The following GRM7 variants were observed in gnomAD, a reference collection of about 807,000 sequenced individuals.
GRM7 encodes glutamate metabotropic receptor 7.
Under a neutral mutation model 84.5 loss-of-function variants are expected in GRM7, and 35 were observed. The observed-to-expected ratio is 0.41, with a 90% CI of 0.32 to 0.55. GRM7 has a LOEUF of 0.55. Among genes scored for constraint, GRM7 ranks in the 20% least tolerant of loss-of-function variants. The pLI is 0.19. For synonymous variants in GRM7, 487 were observed against 455.1 expected (o/e 1.07, Z -0.89); for missense variants, 1,003 against 1,194.6 (o/e 0.84, Z 2.36).
chr3:7,125,212 T>A (rs1693358068), intron 1 of GRM7, among the ~76,000 whole-genome samples: 1 of 152,182 alleles, frequency 6.6e-6, no homozygotes, highest in Non-Finnish European at 1.5e-5. Flanking sequence ...GTGCTGGGAT[T>A]ACAGGCGTGA....
Position 7,461,708 on chromosome 3 carries a change from G to A in GRM7, c.1501G>A (p.Glu501Lys), listed in dbSNP as rs142681070. 401 of 1,613,696 alleles carry A rather than the reference G, an allele frequency of 2.5e-4. No homozygotes were observed. The highest frequency in any genetic ancestry group is 2.8e-4 in the Non-Finnish European group (335 of 1,179,838). The change falls in exon 7 of 10, where the codon GAA (glutamate) becomes AAA (lysine). Residue 501 changes from glutamate to lysine, a missense_variant. Physicochemically the swap from Glu to Lys is moderately conservative, Grantham distance 56. This residue lies in a region of GRM7 where 910 missense variants were observed against 1,126.0 expected (regional missense o/e 0.81). Transcript: ENST00000357716. ...CCGTCTGATCGGGCAGTGGACAGAC[G>A]AACTTCAGCTCAATGTGAGTTCTGC... is the stretch of plus-strand genomic sequence containing the variant. Reference protein sequence around the residue: ...GYRLIGQWTDELQLNIEDMQW... With the variant: ...GYRLIGQWTDKLQLNIEDMQW...
intron 1 of GRM7, among the ~76,000 whole-genome samples, chr3:6,916,279 A>G (rs1053681978): frequency 2.7e-4 from 41 of 152,196 alleles, no homozygotes; most frequent in Admixed American, 3.9e-4. Context: ...GACATTAATG[A>G]AACAGTCACA....
At chr3:7,492,879 G>T (rs967709965) in intron 7 of GRM7, among the ~76,000 whole-genome samples, 1 of 151,954 alleles carries the variant, frequency 6.6e-6, no homozygotes, top group African/African-American at 2.4e-5. Context: ...TTGATATGTT[G>T]TTGGTTTTCA....
At position 7,216,363 on chromosome 3, in the gene GRM7, C is replaced by T. The variant is rs537987969; in HGVS notation, c.736+69695C>T. Reference sequence around the variant, plus strand: ...AATTGACTAAAGGCAAGTATATGTACCTATATGTATTTGTGTTTCTGTATC... The same window carrying T: ...AATTGACTAAAGGCAAGTATATGTATCTATATGTATTTGTGTTTCTGTATC... On this transcript the variant is annotated intron_variant, in intron 2 of 9. Coordinates refer to ENST00000357716, the MANE Select transcript of GRM7 (RefSeq NM_000844.4). 5.9e-5 allele frequency among the ~76,000 whole-genome samples: 9 copies of T among 152,174 alleles called. No homozygotes were observed. The South Asian group carries it at 1.0e-3, about 18-fold the overall frequency.
At chr3:6,887,220 T>C (rs1695730758) in intron 1 of GRM7, among the ~76,000 whole-genome samples, 1 of 151,716 alleles carries the variant, frequency 6.6e-6, no homozygotes, top group Non-Finnish European at 1.5e-5. Context: ...AAGTTTAAAG[T>C]CTTTTTATTT....
chr3:7,662,316 G>C (rs1699499217), intron 8 of GRM7, among the ~76,000 whole-genome samples: 2 of 152,152 alleles, frequency 1.3e-5, no homozygotes. Flanking sequence ...CTTGACTATA[G>C]TGATTTCTCT....
At chr3:7,409,745 C>T (rs1461265993) in intron 4 of GRM7, among the ~76,000 whole-genome samples, 1 of 152,034 alleles carries the variant, frequency 6.6e-6, no homozygotes, top group African/African-American at 2.4e-5. Context: ...GGACTACAGG[C>T]ACATGCCACC....
chr3:7,088,838 TAAG>T lies in GRM7; in HGVS notation c.520-57608_520-57606del, dbSNP rs1355121192. Among the ~76,000 whole-genome samples, 4 of 151,380 alleles carry T rather than the reference TAAG, an allele frequency of 2.6e-5. No homozygotes were observed. The East Asian group carries it at 7.8e-4, about 30-fold the overall frequency. ...GCATAAAGCATGACACAGGAATTTG[TAAG>T]AAGAATTTAGTTAGAACTTTTCTAA... On this transcript the variant is annotated intron_variant, in intron 1 of 9. Transcript: ENST00000357716.
At chr3:7,624,730 T>A (rs1014212893) in intron 8 of GRM7, among the ~76,000 whole-genome samples, 4 of 152,138 alleles carry the variant, frequency 2.6e-5, no homozygotes, top group African/African-American at 7.2e-5. Flanking sequence ...TCAATAAACA[T>A]TAGTTTATCT....
intron 2 of GRM7, among the ~76,000 whole-genome samples, chr3:7,177,351 C>T (rs1245053046): frequency 6.6e-6 from 1 of 152,116 alleles, no homozygotes; most frequent in African/African-American, 2.4e-5. Context: ...ATTTCTACTA[C>T]CTAACATGAG....
intron 9 of GRM7, among the ~76,000 whole-genome samples, chr3:7,718,223 T>A (rs912109771): frequency 6.6e-5 from 10 of 152,196 alleles, no homozygotes; most frequent in Non-Finnish European, 1.2e-4. Context: ...TAGGACACGC[T>A]CTGTAAATGT....
At chr3:7,449,658 G>T (rs1416348975) in intron 5 of GRM7, among the ~76,000 whole-genome samples, 2 of 151,866 alleles carry the variant, frequency 1.3e-5, no homozygotes. Context: ...CCAGAAATTT[G>T]ACCCAGTCGC....
intron 8 of GRM7, among the ~76,000 whole-genome samples, chr3:7,678,245 C>A (rs1397469549): frequency 6.6e-6 from 1 of 152,064 alleles, no homozygotes; most frequent in Non-Finnish European, 1.5e-5. Context: ...TATGTGTACA[C>A]ACATACAAAT....
At chr3:7,162,362 C>T (rs1379691642) in intron 2 of GRM7, among the ~76,000 whole-genome samples, 1 of 151,424 alleles carries the variant, frequency 6.6e-6, no homozygotes, top group African/African-American at 2.4e-5. Context: ...TGCCTGAAGA[C>T]GTAGAAAGAA....
At chr3:7,300,606 T>C (rs932872514) in intron 3 of GRM7, among the ~76,000 whole-genome samples, 1 of 152,088 alleles carries the variant, frequency 6.6e-6, no homozygotes, top group Non-Finnish European at 1.5e-5. Flanking sequence ...TTTGCTACTG[T>C]AGGCACACTG....
At chr3:7,693,386 C>T (rs1488928014) in intron 9 of GRM7, among the ~76,000 whole-genome samples, 1 of 151,980 alleles carries the variant, frequency 6.6e-6, no homozygotes, top group Non-Finnish European at 1.5e-5. Context: ...TCATCACCTG[C>T]TCCTCTCTCT....
At chr3:7,417,593 G>T (rs965563894) in intron 5 of GRM7, among the ~76,000 whole-genome samples, 1 of 152,142 alleles carries the variant, frequency 6.6e-6, no homozygotes, top group Non-Finnish European at 1.5e-5. Context: ...CAGGCTAGCT[G>T]AGTAGTCTGA....
At chr3:6,923,525 G>A (rs781164724) in intron 1 of GRM7, among the ~76,000 whole-genome samples, 3 of 152,128 alleles carry the variant, frequency 2.0e-5, no homozygotes, top group Admixed American at 6.5e-5. Flanking sequence ...GAAATCTTTT[G>A]AGGATTGTTC....
chr3:7,578,611 C>A lies in GRM7; in HGVS notation c.1705C>A (p.Pro569Thr). The change falls in exon 8 of 10, where the codon CCC becomes ACC. Residue 569 changes from proline to threonine, a missense_variant. Transcript: ENST00000357716. ...CCAGCATTGCCCCTATGACCAGAGG[C>A]CCAATGAAAATCGAACCGGATGCCA... ...TCQHCPYDQRPNENRTGCQDI... is the reference protein window; with the variant it reads ...TCQHCPYDQRTNENRTGCQDI... 1 of 1,614,002 alleles carries A rather than the reference C, an allele frequency of 6.2e-7. No homozygotes were observed. Among genetic ancestry groups the A allele is most frequent in the African/African-American group, 1.3e-5 (1 of 75,008 alleles).
Sources: gnomAD v4.1 joint callset for allele counts (sites outside exome capture counted in the v4.1 genomes callset) on GRCh38, gnomAD v4.1.1 for gene constraint, gnomAD v4.1.1 regional missense constraint, MANE v1.5 for transcripts, NCBI Gene and HGNC (gene_info 2026-07-23, HGNC 2026-07-21) for gene names.